The following GRIK3 variants were observed in gnomAD, a reference collection of about 807,000 sequenced individuals.
GRIK3 encodes the protein glutamate receptor ionotropic, kainate 3.
GRIK3 carries 29 observed loss-of-function variants against 102.5 expected under a neutral mutation model. The observed-to-expected ratio is 0.28, with a 90% CI of 0.21 to 0.39. The LOEUF is 0.39. Ranked by LOEUF, GRIK3 falls within the 10% of genes least tolerant of loss-of-function variation. The pLI is 1.00. For synonymous variants in GRIK3, 511 were observed against 504.9 expected (o/e 1.01, Z -0.16); for missense variants, 908 against 1,252.4 (o/e 0.73, Z 4.15).
rs1642419935 is a variant in GRIK3, at chr1:36,799,792, A to T, written c.*2059T>A. 6.6e-6 allele frequency: 1 copy of T among 152,204 alleles called. No individual in the cohort carries two copies. Among genetic ancestry groups the T allele is most frequent in the Admixed American group, 6.5e-5 (1 of 15,284 alleles). The allele number at this position is 152,204 out of a possible 1,614,324, so 9.4% of individuals were successfully genotyped here. On this transcript the variant is annotated 3_prime_UTR_variant, in exon 16 of 16. Coordinates refer to ENST00000373091, the MANE Select transcript of GRIK3 (RefSeq NM_000831.4). ...TACACATACGCACGCATATGCACAC[A>T]TCAGATCCCCAAGGATTCACCTATT...
At chr1:37,000,192 T>C (rs1642461015) in intron 1 of GRIK3, among the ~76,000 whole-genome samples, 1 of 152,226 alleles carries the variant, frequency 6.6e-6, no homozygotes, top group Non-Finnish European at 1.5e-5. Context: ...GTTGAATGGA[T>C]GACCTTCAGA....
At position 36,880,722 on chromosome 1, in the gene GRIK3, G is replaced by A. The variant is rs376327808; in HGVS notation, c.462C>T (p.Pro154=). ...NKDTFYVNLY[P]DYASLSHAIL... Reference sequence around the variant, plus strand: ...TGGCATGGCTGAGCGAGGCGTAGTCGGGGTAGAGGTTCACGTAGAAGGTGT... The same window carrying A: ...TGGCATGGCTGAGCGAGGCGTAGTCAGGGTAGAGGTTCACGTAGAAGGTGT... Residue 154 remains proline (P), a synonymous_variant, in exon 3 of 16, where the codon CCC becomes CCT. Coordinates refer to ENST00000373091, the MANE Select transcript of GRIK3 (RefSeq NM_000831.4). The surrounding 1 kb of genome is among the most constrained non-coding windows in gnomAD (Gnocchi z 5.4). 9.9e-6 allele frequency: 16 copies of A among 1,614,008 alleles called. No individual in the cohort carries two copies. Among genetic ancestry groups the A allele is most frequent in the African/African-American group, 4.0e-5 (3 of 74,922 alleles).
At chr1:36,841,646 C>A in intron 10 of GRIK3, 90 bp downstream of exon 10, 1 of 1,138,348 alleles carries the variant, frequency 8.8e-7, no homozygotes, top group South Asian at 1.3e-5. Flanking sequence ...GGGCCTTTTT[C>A]TGCCAGGCTG....
intron 1 of GRIK3, among the ~76,000 whole-genome samples, chr1:37,028,901 G>C (rs1642791219): frequency 6.6e-6 from 1 of 152,196 alleles, no homozygotes; most frequent in African/African-American, 2.4e-5. Flanking sequence ...CATTTATTGA[G>C]CACTTACTAT....
intron 2 of GRIK3, among the ~76,000 whole-genome samples, chr1:36,887,767 A>ATAT (rs1466580543): frequency 8.5e-5 from 9 of 106,432 alleles, no homozygotes; most frequent in South Asian, 3.2e-4. Context: ...AAAAAAAAAA[A>ATAT]AAAAATATAT....
chr1:36,834,037 A>G (rs181653501), intron 10 of GRIK3, among the ~76,000 whole-genome samples: 3 of 152,296 alleles, frequency 2.0e-5, no homozygotes, highest in Admixed American at 2.0e-4. Flanking sequence ...GAACCAGGGA[A>G]GCTCTTCCAC....
intron 1 of GRIK3, among the ~76,000 whole-genome samples, chr1:36,967,211 G>T (rs575196401): frequency 2.6e-5 from 4 of 152,178 alleles, no homozygotes; most frequent in Non-Finnish European, 4.4e-5. Flanking sequence ...AGCCTTTCTG[G>T]TCCTCACTTC....
chr1:36,908,852 G>A (rs571915629), intron 1 of GRIK3, among the ~76,000 whole-genome samples: 4 of 152,098 alleles, frequency 2.6e-5, no homozygotes, highest in African/African-American at 9.6e-5. Context: ...GTGAGCAGGG[G>A]TGGAACAGGG....
chr1:36,804,966 G>C (rs1642482209), intron 15 of GRIK3, 21 bp downstream of exon 15: 1 of 1,613,110 alleles, frequency 6.2e-7, no homozygotes, highest in African/African-American at 1.3e-5. Context: ...TCCTGTGCAG[G>C]CTCCAAGCTC....
At chr1:36,809,066 C>T (rs138557824) in intron 13 of GRIK3, among the ~76,000 whole-genome samples, 7 of 152,274 alleles carry the variant, frequency 4.6e-5, no homozygotes, top group African/African-American at 1.7e-4. Context: ...CCCTCTACTA[C>T]TAGAGGTGAG....
intron 2 of GRIK3, among the ~76,000 whole-genome samples, chr1:36,889,058 C>G (rs2124271358): frequency 6.6e-6 from 1 of 152,110 alleles, no homozygotes; most frequent in Non-Finnish European, 1.5e-5. Context: ...TATAGTGGAG[C>G]AGTAAAAAGA....
chr1:36,882,644 G>C (rs1359239991), intron 2 of GRIK3, among the ~76,000 whole-genome samples: 2 of 152,126 alleles, frequency 1.3e-5, no homozygotes, highest in Non-Finnish European at 2.9e-5. Flanking sequence ...GACATTTGTG[G>C]GCCAGTCAGA....
chr1:36,942,727 T>C (rs1220234511), intron 1 of GRIK3, among the ~76,000 whole-genome samples: 1 of 151,818 alleles, frequency 6.6e-6, no homozygotes, highest in African/African-American at 2.4e-5. Flanking sequence ...CCCCCATGCC[T>C]TGCCTGTAGC....
chr1:36,966,945 TA>T (rs887423443), intron 1 of GRIK3, among the ~76,000 whole-genome samples: 2 of 152,160 alleles, frequency 1.3e-5, no homozygotes, highest in African/African-American at 4.8e-5. Flanking sequence ...TACAATGGTT[TA>T]AAAAAAGATG....
chr1:36,823,472 C>CAAAAAAAAAAAAA (rs71053954), intron 11 of GRIK3, among the ~76,000 whole-genome samples: 1 of 38,098 alleles, frequency 2.6e-5, no homozygotes, highest in African/African-American at 8.5e-5. Flanking sequence ...GACTCCGTCT[C>CAAAAAAAAAAAAA]AAAAAAAAAA....
rs548055072 is a variant in GRIK3 at position 36,974,039 on chromosome 1, T to C, written c.115+59955A>G. Among the ~76,000 whole-genome samples, 15 of 152,338 alleles carry C rather than the reference T, an allele frequency of 9.8e-5. 1 individual carries two copies. The highest frequency in any genetic ancestry group is 3.6e-4 in the African/African-American group (15 of 41,580). On this transcript the variant is annotated intron_variant, in intron 1 of 15. Coordinates refer to ENST00000373091, the MANE Select transcript of GRIK3 (RefSeq NM_000831.4). ...CTCTGTGGTGTGTTTTGCTCGGTTC[T>C]TCAGGCCTTCATGGGATTGAGGCCC...
rs150104254 is a variant in GRIK3, at chr1:36,915,899, G to A, written c.116-24803C>T. Among the ~76,000 whole-genome samples the A allele has an allele frequency of 9.9e-5, 15 of 152,264 alleles. No homozygotes were observed. In the East Asian group the frequency reaches 2.9e-3, roughly 29 times the overall value. Reference sequence around the variant, plus strand: ...AGTAAATTGGTACTGGGAGTGGTACGTTGCTGAAAAGATACCTGAAAATGT... The same window carrying A: ...AGTAAATTGGTACTGGGAGTGGTACATTGCTGAAAAGATACCTGAAAATGT... On this transcript the variant is annotated intron_variant, in intron 1 of 15. Transcript: ENST00000373091.
chr1:37,024,548 G>A (rs1388727414), intron 1 of GRIK3, among the ~76,000 whole-genome samples: 1 of 151,096 alleles, frequency 6.6e-6, no homozygotes, highest in Non-Finnish European at 1.5e-5. Context: ...AGTTCGACCA[G>A]CCTGGCCAAT....
rs140365239 is a variant in GRIK3, at chr1:36,973,207, G to A, written c.115+60787C>T. ...AGGCCACCAGGGCCCTGCAAAGCCTGTTCCCTGCCTGCCTCCTTAGAAGCA... is the reference window on the plus strand; with the variant it reads ...AGGCCACCAGGGCCCTGCAAAGCCTATTCCCTGCCTGCCTCCTTAGAAGCA... On this transcript the variant is annotated intron_variant, in intron 1 of 15. Coordinates refer to ENST00000373091, the MANE Select transcript of GRIK3 (RefSeq NM_000831.4). 6.0e-3 allele frequency among the ~76,000 whole-genome samples: 921 copies of A among 152,234 alleles called. 10 individuals are homozygous for A. Among genetic ancestry groups the A allele is most frequent in the African/African-American group, 0.021 (881 of 41,524 alleles).
Sources: allele counts gnomAD v4.1 joint callset (sites outside exome capture counted in the v4.1 genomes callset), GRCh38; gene constraint gnomAD v4.1.1; non-coding constraint Gnocchi (gnomAD v3.1); transcripts MANE v1.5; gene names NCBI Gene and HGNC (gene_info 2026-07-23, HGNC 2026-07-21).